ARHGAP10: variants seen among roughly 807,000 people sequenced by gnomAD.
ARHGAP10 encodes rho GTPase-activating protein 10.
Under a neutral mutation model 108.6 loss-of-function variants are expected in ARHGAP10, and 87 were observed. That is an observed-to-expected ratio of 0.80 (90% CI 0.67 to 0.96). The LOEUF is 0.96. ARHGAP10 is among the 40% of genes least tolerant of loss of function. The pLI, the probability that ARHGAP10 is intolerant of heterozygous loss-of-function variation, is 0.00. For missense variants in ARHGAP10, 939 were observed against 954.5 expected, an observed-to-expected ratio of 0.98 and a Z score of 0.21; for synonymous variants, 347 against 341.1, an observed-to-expected ratio of 1.02 and a Z score of -0.19.
chr4:147,967,223 G>C (rs2126999559), intron 18 of ARHGAP10, among the ~76,000 whole-genome samples: 1 of 152,318 alleles, frequency 6.6e-6, no homozygotes, highest in Non-Finnish European at 1.5e-5. Context: ...ACTTACAAGA[G>C]AAAATAAGGC....
intron 18 of ARHGAP10, among the ~76,000 whole-genome samples, chr4:147,982,136 C>G (rs1223687449): frequency 1.3e-5 from 2 of 152,180 alleles, no homozygotes; most frequent in African/African-American, 2.4e-5. Flanking sequence ...TTCCCAGGCT[C>G]AAGTGATCCT....
At chr4:147,903,727 C>G (rs1736343076) in intron 10 of ARHGAP10, among the ~76,000 whole-genome samples, 1 of 152,154 alleles carries the variant, frequency 6.6e-6, no homozygotes, top group Non-Finnish European at 1.5e-5. Flanking sequence ...TTCAGATAGG[C>G]TTCTTTCACT....
intron 6 of ARHGAP10, chr4:147,865,916 GTGT>G (rs1410930146): frequency 2.0e-5 from 3 of 152,196 alleles, no homozygotes; most frequent in Non-Finnish European, 4.4e-5. Context: ...ATTGTTCTAA[GTGT>G]TGTACCGAAC....
intron 18 of ARHGAP10, among the ~76,000 whole-genome samples, chr4:147,985,579 T>C (rs1740011370): frequency 6.6e-6 from 1 of 152,218 alleles, no homozygotes; most frequent in Non-Finnish European, 1.5e-5. Flanking sequence ...TGTTGCTCAG[T>C]TTTGGCTGTG....
At chr4:147,882,154 G>C (rs34471913) in intron 10 of ARHGAP10, among the ~76,000 whole-genome samples, 1,863 of 152,008 alleles carry the variant, frequency 0.012, 17 homozygotes, top group Non-Finnish European at 0.019. Context: ...TTCTAACCAG[G>C]GTTGTCACTT....
At chr4:148,009,646 G>A (rs1197280620) in intron 18 of ARHGAP10, among the ~76,000 whole-genome samples, 1 of 152,198 alleles carries the variant, frequency 6.6e-6, no homozygotes, top group Non-Finnish European at 1.5e-5. Flanking sequence ...TAGTGAACTT[G>A]TAGTAGTTTC....
intron 10 of ARHGAP10, among the ~76,000 whole-genome samples, chr4:147,897,955 G>A (rs916728673): frequency 1.3e-5 from 2 of 152,062 alleles, no homozygotes; most frequent in African/African-American, 2.4e-5. Context: ...CTGGGTTCAC[G>A]CCATTCTCCT....
intron 13 of ARHGAP10, among the ~76,000 whole-genome samples, chr4:147,937,849 T>C (rs1738016458): frequency 6.6e-6 from 1 of 152,198 alleles, no homozygotes. Context: ...TGTGGTGGCA[T>C]ATGCCTGTAA....
intron 18 of ARHGAP10, among the ~76,000 whole-genome samples, chr4:147,970,454 T>A (rs1739364096): frequency 6.6e-6 from 1 of 151,760 alleles, no homozygotes; most frequent in Admixed American, 6.6e-5. Context: ...AAAAGGAAGG[T>A]TAAACTGGGG....
At chr4:147,785,503 C>T (rs1265826649) in intron 1 of ARHGAP10, among the ~76,000 whole-genome samples, 2 of 152,104 alleles carry the variant, frequency 1.3e-5, no homozygotes, top group Non-Finnish European at 2.9e-5. Flanking sequence ...TACCATAAGT[C>T]CTGCCATGAA....
intron 18 of ARHGAP10, among the ~76,000 whole-genome samples, chr4:147,994,533 T>C (rs747973330): frequency 2.3e-4 from 35 of 152,370 alleles, no homozygotes; most frequent in Admixed American, 4.6e-4. Flanking sequence ...CCTTTGTGAA[T>C]GATACTAATT....
intron 19 of ARHGAP10, 152 bp from the exon 20 acceptor site, chr4:148,046,740 A>G (rs939213549): frequency 4.5e-6 from 3 of 663,998 alleles, no homozygotes; most frequent in Non-Finnish European, 7.1e-6. Context: ...ATTAAAAAAA[A>G]TGTAAAGACA....
chr4:148,048,759 C>T (rs1042915891), intron 20 of ARHGAP10, among the ~76,000 whole-genome samples: 14 of 152,150 alleles, frequency 9.2e-5, no homozygotes, highest in East Asian at 1.9e-4. Flanking sequence ...TTATGAGCCA[C>T]GGTACAGCCA....
At chr4:147,853,164 A>T (rs1442226474) in intron 4 of ARHGAP10, among the ~76,000 whole-genome samples, 1 of 152,214 alleles carries the variant, frequency 6.6e-6, no homozygotes, top group Non-Finnish European at 1.5e-5. Context: ...ACACTCGCTC[A>T]CACAGTACTA....
intron 10 of ARHGAP10, among the ~76,000 whole-genome samples, chr4:147,887,926 C>A (rs1053472035): frequency 1.3e-5 from 2 of 151,720 alleles, no homozygotes; most frequent in East Asian, 3.9e-4. Context: ...TCTACTGAGG[C>A]CTTTGCCCTT....
At chr4:147,949,321 A>T (rs1172166927) in intron 15 of ARHGAP10, among the ~76,000 whole-genome samples, 1 of 152,228 alleles carries the variant, frequency 6.6e-6, no homozygotes, top group Non-Finnish European at 1.5e-5. Flanking sequence ...CTAGGATAAG[A>T]ATTTAAGTTC....
intron 1 of ARHGAP10, among the ~76,000 whole-genome samples, chr4:147,803,029 G>A (rs1185056951): frequency 2.0e-5 from 3 of 150,312 alleles, no homozygotes; most frequent in African/African-American, 4.9e-5. Flanking sequence ...TTTTTTTTGA[G>A]ATGGAGCCTT....
At chr4:147,894,080 A>T (rs970169755) in intron 10 of ARHGAP10, among the ~76,000 whole-genome samples, 2 of 152,188 alleles carry the variant, frequency 1.3e-5, no homozygotes, top group Non-Finnish European at 2.9e-5. Flanking sequence ...AGCCAGAATA[A>T]AAAGTTTTCT....
rs144786855 is a variant in ARHGAP10 at position 148,023,308 on chromosome 4, C to T, written c.1762C>T (p.Leu588=). Residue 588 remains leucine, a synonymous_variant, in exon 19 of 23, where the codon CTG becomes TTG. Coordinates refer to ENST00000336498, the MANE Select transcript of ARHGAP10 (RefSeq NM_024605.4). ...TACTACATTCCCTGAGCCCACCTGCCTGTCAGCATCACCCCCAAATGCGCC... is the reference window on the plus strand; with the variant it reads ...TACTACATTCCCTGAGCCCACCTGCTTGTCAGCATCACCCCCAAATGCGCC... ...PDTTFPEPTC[L]SASPPNAPPR... 1 of 1,614,026 alleles carries T rather than the reference C, an allele frequency of 6.2e-7. No homozygotes were observed. Among genetic ancestry groups the T allele is most frequent in the African/African-American group, 1.3e-5 (1 of 74,922 alleles).
Sources: gnomAD v4.1 joint callset for allele counts (sites outside exome capture counted in the v4.1 genomes callset) on GRCh38, gnomAD v4.1.1 for gene constraint, MANE v1.5 for transcripts, NCBI Gene and HGNC (gene_info 2026-07-23, HGNC 2026-07-21) for gene names.